The following VCL variants were observed in gnomAD, a reference collection of about 807,000 sequenced individuals.
The protein encoded by VCL is vinculin, also known as epididymis luminal protein 114.
VCL carries 47 observed loss-of-function variants against 125.7 expected under a neutral mutation model. The observed-to-expected ratio is 0.37, with a 90% CI of 0.30 to 0.48. VCL has a LOEUF of 0.48. VCL is among the 20% of genes least tolerant of loss of function. The pLI is 0.99. For missense variants in VCL, 1,069 were observed against 1,455.5 expected, an observed-to-expected ratio of 0.73 and a Z score of 4.32; for synonymous variants, 458 against 514.6, an observed-to-expected ratio of 0.89 and a Z score of 1.49.
At chr10:74,101,644 T>C (rs1306310904) in intron 14 of VCL, among the ~76,000 whole-genome samples, 1 of 144,486 alleles carries the variant, frequency 6.9e-6, no homozygotes, top group Non-Finnish European at 1.5e-5. Context: ...CAAGCTCCGC[T>C]TCCCGGGTTC....
In VCL at chr10:74,119,859, C is replaced by T. The variant is rs913090543; in HGVS notation, c.*1690C>T. 2 of 152,458 alleles carry T rather than the reference C, an allele frequency of 1.3e-5. No homozygotes were observed. Among genetic ancestry groups the T allele is most frequent in the African/African-American group, 4.8e-5 (2 of 41,360 alleles). 9.4% of individuals were successfully genotyped at this position (152,458 alleles called of 1,614,324 possible). A position where few individuals can be genotyped will look rare whatever the true frequency, so the allele number is the denominator to read the frequency against. Reference sequence around the variant, plus strand: ...AAGTATGAATCTATGCCAAAGATCACTTGTTGTTTTACTAAAGAAAGATTA... The same window carrying T: ...AAGTATGAATCTATGCCAAAGATCATTTGTTGTTTTACTAAAGAAAGATTA... On this transcript the variant is annotated 3_prime_UTR_variant, in exon 22 of 22. Transcript: ENST00000211998.
chr10:74,035,256 CT>C (rs1170159869), intron 1 of VCL, among the ~76,000 whole-genome samples: 418 of 139,482 alleles, frequency 3.0e-3, no homozygotes, highest in Middle Eastern at 7.4e-3. Flanking sequence ...TTTTTTCTTT[CT>C]TTTTTTTTTT....
rs10607921 is a variant in VCL, at chr10:74,050,932, ATTTTTTTT to A, written c.239+7797_239+7804del. Among the ~76,000 whole-genome samples the A allele has an allele frequency of 1.3e-4, 10 of 77,462 alleles. No homozygotes were observed. In the South Asian group the frequency reaches 3.3e-3, roughly 26 times the overall value. 50.8% of individuals were successfully genotyped at this position (77,462 alleles called of 152,430 possible). A position where few individuals can be genotyped will look rare whatever the true frequency, so the allele number is the denominator to read the frequency against. ...ATTAAGCATAATTTAGTACTACTGT[ATTTTTTTT>A]TTTTTTTTTTTTTTTTTGAGATGGA... On this transcript the variant is annotated intron_variant, in intron 2 of 21. Transcript: ENST00000211998.
intron 11 of VCL, among the ~76,000 whole-genome samples, chr10:74,094,684 G>A (rs968190102): frequency 6.6e-6 from 1 of 152,206 alleles, no homozygotes; most frequent in Non-Finnish European, 1.5e-5. Context: ...GCTTTGGGAG[G>A]CTAAGGTGGG....
intron 10 of VCL, among the ~76,000 whole-genome samples, chr10:74,093,084 G>A (rs1258941568): frequency 6.6e-6 from 1 of 152,292 alleles, no homozygotes; most frequent in East Asian, 1.9e-4. Context: ...ATCACCCGAG[G>A]TCAGGAGTTC....
chr10:74,083,215 G>C (rs1306073068), intron 7 of VCL, 151 bp from the exon 8 acceptor site: 2 of 988,860 alleles, frequency 2.0e-6, no homozygotes, highest in Non-Finnish European at 3.0e-6. Context: ...TAAGGGCACT[G>C]CTTGGCTGTT....
intron 6 of VCL, chr10:74,076,636 T>G (rs374403790): frequency 2.0e-5 from 3 of 152,664 alleles, no homozygotes; most frequent in East Asian, 1.9e-4. Flanking sequence ...AGAGCTTAGA[T>G]GAGGCACCTG....
At chr10:74,070,562 T>C in intron 2 of VCL, 108 bp from the exon 3 acceptor site, 12 of 1,519,906 alleles carry the variant, frequency 7.9e-6, no homozygotes, top group Middle Eastern at 2.1e-4. Flanking sequence ...CTATTTTTCA[T>C]GTAGGGAAAA....
At chr10:74,064,715 C>T (rs1032774837) in intron 2 of VCL, among the ~76,000 whole-genome samples, 10 of 152,050 alleles carry the variant, frequency 6.6e-5, no homozygotes, top group African/African-American at 2.2e-4. Context: ...TCCACAAAGA[C>T]ACTTTTAAGT....
chr10:74,068,393 C>G (rs930688069), intron 2 of VCL, among the ~76,000 whole-genome samples: 1 of 151,956 alleles, frequency 6.6e-6, no homozygotes, highest in African/African-American at 2.4e-5. Flanking sequence ...GGCATGATCT[C>G]GGCTCACTGC....
chr10:74,049,446 C>G (rs887332709), intron 2 of VCL, among the ~76,000 whole-genome samples: 1 of 152,078 alleles, frequency 6.6e-6, no homozygotes, highest in African/African-American at 2.4e-5. Flanking sequence ...AATTAAAGAG[C>G]TATAATACAG....
chr10:74,105,912 CTTTTTT>C (rs34837874), intron 16 of VCL, among the ~76,000 whole-genome samples: 4 of 70,098 alleles, frequency 5.7e-5, no homozygotes, highest in Non-Finnish European at 5.6e-5. Flanking sequence ...AACCTCTGCG[CTTTTTT>C]TTTTTTTTTT....
At position 74,046,938 on chromosome 10, in the gene VCL, G is replaced by T. The variant is rs578108308; in HGVS notation, c.239+3785G>T. 2.6e-5 allele frequency among the ~76,000 whole-genome samples: 4 copies of T among 152,264 alleles called. No individual in the cohort carries two copies. The South Asian group carries it at 8.3e-4, about 32-fold the overall frequency. Reference sequence around the variant, plus strand: ...TGTGATAAAAATTTCAAAAAATTTGGTCACTTTAAAACAAAATAAAACTTT... The same window carrying T: ...TGTGATAAAAATTTCAAAAAATTTGTTCACTTTAAAACAAAATAAAACTTT... On this transcript the variant is annotated intron_variant, in intron 2 of 21. Coordinates refer to ENST00000211998, the MANE Select transcript of VCL (RefSeq NM_014000.3).
chr10:74,113,954 CCT>C (rs1346956746), intron 19 of VCL, among the ~76,000 whole-genome samples: 1 of 152,150 alleles, frequency 6.6e-6, no homozygotes, highest in Admixed American at 6.5e-5. Context: ...CCTCCTCTCT[CCT>C]CTCTCTTTGT....
Position 74,106,115 on chromosome 10 carries a change from T to C in VCL, c.2434+762T>C, listed in dbSNP as rs750518032. 4.6e-4 allele frequency among the ~76,000 whole-genome samples: 69 copies of C among 151,212 alleles called. No individual in the cohort carries two copies. In the Middle Eastern group the frequency reaches 0.014, roughly 30 times the overall value. ...TTTTGTAGTTTTAGTAGAGGCAGAG[T>C]TTCACCATGTTGGCCAGGCTGGTCT... On this transcript the variant is annotated intron_variant, in intron 16 of 21. Transcript: ENST00000211998.
At chr10:74,078,200 G>A (rs74146320) in intron 6 of VCL, among the ~76,000 whole-genome samples, 11 of 152,190 alleles carry the variant, frequency 7.2e-5, no homozygotes, top group African/African-American at 2.4e-4. Context: ...GCTTTGCACC[G>A]TGAATCATTA....
intron 4 of VCL, 115 bp from the exon 5 acceptor site, chr10:74,072,615 T>C (rs2136273796): frequency 6.7e-7 from 1 of 1,484,484 alleles, no homozygotes; most frequent in African/African-American, 1.4e-5. Flanking sequence ...GTTGTTTAAA[T>C]AAGTGAGCAA....
At chr10:74,037,968 C>T (rs1267282407) in intron 1 of VCL, among the ~76,000 whole-genome samples, 1 of 151,520 alleles carries the variant, frequency 6.6e-6, no homozygotes, top group African/African-American at 2.4e-5. Context: ...TTATACTGGC[C>T]ACATTTCTTT....
chr10:74,002,964 A>T (rs1840255911), intron 1 of VCL, among the ~76,000 whole-genome samples: 1 of 151,270 alleles, frequency 6.6e-6, no homozygotes, highest in Non-Finnish European at 1.5e-5. Flanking sequence ...TATATTTGCT[A>T]AGCAAAGTAG....
Sources: allele counts gnomAD v4.1 joint callset (sites outside exome capture counted in the v4.1 genomes callset), GRCh38; gene constraint gnomAD v4.1.1; transcripts MANE v1.5; gene names NCBI Gene and HGNC (gene_info 2026-07-23, HGNC 2026-07-21).